GLI4: variants seen among roughly 807,000 people sequenced by gnomAD.
The protein encoded by GLI4 is zinc finger protein GLI4.
In GLI4, 34 loss-of-function variants were observed where a neutral mutation model predicts 30.9. The ratio of observed to expected loss-of-function variants is 1.10; its 90% confidence interval spans 0.84 to 1.47. GLI4 has a LOEUF of 1.47. GLI4 is among the 40% of genes most tolerant of loss of function. The pLI is 0.00. For synonymous variants in GLI4, 277 were observed against 236.7 expected (o/e 1.17, Z -1.56); for missense variants, 696 against 538.9 (o/e 1.29, Z -2.89).
chr8:143,271,205 C>T (rs1815260693), intron 2 of GLI4, among the ~76,000 whole-genome samples: 1 of 152,246 alleles, frequency 6.6e-6, no homozygotes, highest in South Asian at 2.1e-4. Context: ...GACAGATGAG[C>T]TGGGCCCTGA....
intron 3 of GLI4, 116 bp downstream of exon 3, chr8:143,274,918 T>C (rs2129686734): frequency 6.8e-7 from 1 of 1,476,186 alleles, no homozygotes. Context: ...CTGGGGCCCC[T>C]TTTCTTCCCT....
intron 2 of GLI4, chr8:143,274,419 G>C (rs112835864): frequency 3.7e-6 from 1 of 273,040 alleles, no homozygotes; most frequent in Middle Eastern, 1.0e-3. Flanking sequence ...AACGGCAGGA[G>C]GGCCGCTTCA....
intron 2 of GLI4, 70 bp from the exon 3 acceptor site, chr8:143,274,634 T>A: frequency 6.9e-7 from 1 of 1,456,970 alleles, no homozygotes; most frequent in Non-Finnish European, 9.2e-7. Flanking sequence ...CGGGAGCACG[T>A]GGCGGTCAGA....
rs1271832160 is a variant in GLI4 at position 143,276,041 on chromosome 8, C to T, written c.368C>T (p.Ala123Val). Residue 123 changes from alanine to valine, a missense_variant, in exon 4 of 4, where the codon GCG (alanine) becomes GTG (valine). Physicochemically the swap from Ala to Val is moderately conservative, Grantham distance 64. Transcript: ENST00000340042. ...GCCGGCTTCGGGCCTGAATCCAGCG[C>T]GGAGCGGCCGGCGGGCCAGCCGCCT... ...CSAGFGPESSAERPAGQPPGA... is the reference protein window; with the variant it reads ...CSAGFGPESSVERPAGQPPGA... 1.9e-5 allele frequency: 26 copies of T among 1,378,806 alleles called. No individual in the cohort carries two copies. The Admixed American group carries it at 8.0e-4, about 43-fold the overall frequency. The allele number at this position is 1,378,806 out of a possible 1,614,324, so 85.4% of individuals were successfully genotyped here. A position where few individuals can be genotyped will look rare whatever the true frequency, so the allele number is the denominator to read the frequency against.
In GLI4 at chr8:143,276,140, A is replaced by C; in HGVS notation, c.467A>C (p.Glu156Ala). Residue 156 changes from glutamate to alanine, a missense_variant, in exon 4 of 4, where the codon GAG becomes GCG. Glu to Ala is a moderately radical substitution (Grantham distance 107, BLOSUM62 -1). Coordinates refer to ENST00000340042, the MANE Select transcript of GLI4 (RefSeq NM_138465.4). ...TLVQQAAAGP[E>A]GAPERAAELG... is the part of the protein sequence containing the mutation. ...GTGCAGCAAGCAGCGGCCGGGCCCG[A>C]GGGTGCGCCCGAGCGGGCTGCCGAG... 6 of 1,543,392 alleles carry C rather than the reference A, an allele frequency of 3.9e-6. No homozygotes were observed. The highest frequency in any genetic ancestry group is 5.2e-6 in the Non-Finnish European group (6 of 1,144,672).
At chr8:143,271,376 C>T (rs1006798441) in intron 2 of GLI4, among the ~76,000 whole-genome samples, 3 of 151,970 alleles carry the variant, frequency 2.0e-5, no homozygotes, top group African/African-American at 7.3e-5. Context: ...GTAGAGAGAA[C>T]GGGGCCAGGC....
chr8:143,275,003 G>A (rs551716797), intron 3 of GLI4: 17 of 1,505,254 alleles, frequency 1.1e-5, no homozygotes, highest in Admixed American at 6.1e-5. Context: ...TTCCCGAGGC[G>A]GTGACTGCAG....
At chr8:143,267,805 C>T (rs1815170657) in intron 1 of GLI4, 7 of 985,364 alleles carry the variant, frequency 7.1e-6, no homozygotes, top group Non-Finnish European at 8.4e-6. Flanking sequence ...CCGGAGGTCC[C>T]GCCGCTCCGG....
chr8:143,268,992 C>T (rs1223809283), intron 1 of GLI4, among the ~76,000 whole-genome samples: 4 of 152,136 alleles, frequency 2.6e-5, no homozygotes, highest in Admixed American at 6.5e-5. Flanking sequence ...TACAGGTGCC[C>T]GCCACTGCGC....
rs1484379215 is a variant in GLI4, at chr8:143,267,445, A to G, written c.-77A>G. On this transcript the variant is annotated 5_prime_UTR_variant, in exon 1 of 4. Transcript: ENST00000340042. Reference sequence around the variant, plus strand: ...CGGGCGGAGTGGGGCGGGGCCGGACACTTCCGTCCGGCGCGCGGCGTCCTC... The same window carrying G: ...CGGGCGGAGTGGGGCGGGGCCGGACGCTTCCGTCCGGCGCGCGGCGTCCTC... 6 of 983,064 alleles carry G rather than the reference A, an allele frequency of 6.1e-6. No homozygotes were observed. In the Admixed American group the frequency reaches 2.5e-4, roughly 41 times the overall value. 60.9% of individuals were successfully genotyped at this position (983,064 alleles called of 1,614,324 possible).
chr8:143,271,814 G>A (rs539714130), intron 2 of GLI4, among the ~76,000 whole-genome samples: 1 of 152,278 alleles, frequency 6.6e-6, no homozygotes, highest in East Asian at 1.9e-4. Flanking sequence ...GGTCCCTGCA[G>A]CCATGAAGCT....
chr8:143,274,468 G>T, intron 2 of GLI4: 1 of 373,876 alleles, frequency 2.7e-6, no homozygotes, highest in Non-Finnish European at 4.8e-6. Flanking sequence ...CTGGGCTGAA[G>T]GGGAATGAGC....
rs1425301777 is a variant in GLI4, at chr8:143,274,791, C to T, written c.212C>T (p.Thr71Ile). The T allele has an allele frequency of 4.5e-5, 70 of 1,562,190 alleles. No individual in the cohort carries two copies. Among genetic ancestry groups the T allele is most frequent in the Non-Finnish European group, 6.1e-5 (70 of 1,150,800 alleles). ...DVEEVEIGRDTFWPDSEPKPE... is the reference protein window; with the variant it reads ...DVEEVEIGRDIFWPDSEPKPE... ...GAGGAAGTGGAGATCGGCAGAGACACCTTCTGGCCCGGTGAGTGAGCAGAA... is the reference window on the plus strand; with the variant it reads ...GAGGAAGTGGAGATCGGCAGAGACATCTTCTGGCCCGGTGAGTGAGCAGAA... Residue 71 changes from threonine to isoleucine, a missense_variant, in exon 3 of 4, where the codon ACC (threonine) becomes ATC (isoleucine). Coordinates refer to ENST00000340042, the MANE Select transcript of GLI4 (RefSeq NM_138465.4).
intron 1 of GLI4, 123 bp downstream of exon 1, chr8:143,267,607 C>T (rs1374761430): frequency 1.0e-6 from 1 of 985,446 alleles, no homozygotes; most frequent in African/African-American, 1.7e-5. Context: ...GCAGCCGCCG[C>T]TCGCCGTGAC....
intron 1 of GLI4, among the ~76,000 whole-genome samples, chr8:143,268,997 C>G (rs1355989692): frequency 6.6e-6 from 1 of 152,248 alleles, no homozygotes. Flanking sequence ...GTGCCCGCCA[C>G]TGCGCCCAGC....
intron 3 of GLI4, chr8:143,275,243 TC>T: frequency 6.6e-7 from 1 of 1,526,702 alleles, no homozygotes; most frequent in Non-Finnish European, 8.8e-7. Flanking sequence ...CCCCTGCACC[TC>T]CCCCTTGAGA....
rs1815324246 is a variant in GLI4 at position 143,273,856 on chromosome 8, GCACAGCA to G, written c.125-846_125-840del. On this transcript the variant is annotated intron_variant, in intron 2 of 3. Coordinates refer to ENST00000340042, the MANE Select transcript of GLI4 (RefSeq NM_138465.4). Reference sequence around the variant, plus strand: ...AGAGGGCAGGTGAGGCACCAGGGTGGCACAGCACTGAGGGGGCAGGTGAGGCACCAAG... The same window carrying G: ...AGAGGGCAGGTGAGGCACCAGGGTGGCTGAGGGGGCAGGTGAGGCACCAAG... Among the ~76,000 whole-genome samples the G allele has an allele frequency of 1.5e-3, 17 of 11,510 alleles. No individual in the cohort carries two copies. The South Asian group carries it at 0.099, about 67-fold the overall frequency. 7.6% of individuals were successfully genotyped at this position (11,510 alleles called of 152,430 possible).
In GLI4 at chr8:143,276,259, T is replaced by C; in HGVS notation, c.586T>C (p.Ser196Pro). The change falls in exon 4 of 4, where the codon TCG (serine) becomes CCG (proline). Residue 196 changes from serine to proline, a missense_variant. Physicochemically the swap from Ser to Pro is moderately conservative, Grantham distance 74. Coordinates refer to ENST00000340042, the MANE Select transcript of GLI4 (RefSeq NM_138465.4). ...CTGCGGCAAGAGTTTCAAGTATAAC[T>C]CGCTGCTCCTGAAGCACCAGCGCAT... is the stretch of plus-strand genomic sequence containing the variant. ...EACGKSFKYN[S>P]LLLKHQRIHT... 6.2e-7 allele frequency: 1 copy of C among 1,611,620 alleles called. No individual in the cohort carries two copies.
chr8:143,268,765 G>T (rs1221743368), intron 1 of GLI4, among the ~76,000 whole-genome samples: 2 of 152,176 alleles, frequency 1.3e-5, no homozygotes, highest in African/African-American at 4.8e-5. Flanking sequence ...CTTCGCTTCA[G>T]CCCCCACAGG....
Sources: gnomAD v4.1 joint callset for allele counts (sites outside exome capture counted in the v4.1 genomes callset) on GRCh38, gnomAD v4.1.1 for gene constraint, MANE v1.5 for transcripts, NCBI Gene and HGNC (gene_info 2026-07-23, HGNC 2026-07-21) for gene names.